Variants in SPECC1 observed in about 807,000 individuals in gnomAD.
SPECC1 encodes sperm antigen with calponin homology and coiled-coil domains 1, also known as cytospin-B.
In SPECC1, 62 loss-of-function variants were observed where a neutral mutation model predicts 104.1. The ratio of observed to expected loss-of-function variants is 0.60; its 90% CI spans 0.49 to 0.74. The LOEUF (loss-of-function observed/expected upper bound fraction) is 0.74. SPECC1 is among the 30% of genes least tolerant of loss of function. The probability of loss-of-function intolerance (pLI) is 0.00; values close to 1 mark genes in which losing one functional copy is unlikely to be tolerated. For synonymous variants in SPECC1, 513 were observed against 501.6 expected (o/e 1.02, Z -0.30); for missense variants, 1,306 against 1,310.5 (o/e 1.00, Z 0.05).
intron 12 of SPECC1, among the ~76,000 whole-genome samples, chr17:20,295,875 T>A (rs2041333748): frequency 6.6e-6 from 1 of 152,190 alleles, no homozygotes; most frequent in Admixed American, 6.5e-5. Context: ...TTGTTTGATT[T>A]TTTCTTGTAA....
At chr17:20,210,026 C>G (rs577763766) in intron 4 of SPECC1, among the ~76,000 whole-genome samples, 1 of 152,222 alleles carries the variant, frequency 6.6e-6, no homozygotes, top group Non-Finnish European at 1.5e-5. Flanking sequence ...GAATGGTTTG[C>G]GGGAGTCAGC....
At chr17:20,164,128 A>G (rs541566725) in intron 3 of SPECC1, among the ~76,000 whole-genome samples, 42 of 151,552 alleles carry the variant, frequency 2.8e-4, no homozygotes, top group African/African-American at 9.2e-4. Flanking sequence ...TGTTTACATA[A>G]GTGTTTTATT....
intron 12 of SPECC1, 127 bp downstream of exon 12, chr17:20,260,421 T>G: frequency 1.4e-6 from 1 of 738,152 alleles, no homozygotes; most frequent in Non-Finnish European, 2.1e-6. Context: ...TCTATTCTCC[T>G]AGGCAGGGCT....
intron 1 of SPECC1, among the ~76,000 whole-genome samples, chr17:20,032,618 T>C (rs1248334607): frequency 6.6e-6 from 1 of 152,164 alleles, no homozygotes; most frequent in Non-Finnish European, 1.5e-5. Flanking sequence ...TTGTATTATA[T>C]TTTATAATTT....
intron 1 of SPECC1, chr17:20,073,681 A>G (rs1320503943): frequency 1.3e-5 from 2 of 152,188 alleles, no homozygotes; most frequent in Admixed American, 1.3e-4. Context: ...CCCGAGAAGC[A>G]GGAGAAGCAG....
intron 1 of SPECC1, chr17:20,017,996 GCCTC>G (rs2044215565): frequency 6.6e-6 from 1 of 152,484 alleles, no homozygotes; most frequent in Non-Finnish European, 1.5e-5. Context: ...GGCGTAGCGT[GCCTC>G]CTGTGATTGT....
chr17:20,158,728 T>G (rs990179598), intron 3 of SPECC1, among the ~76,000 whole-genome samples: 2 of 152,222 alleles, frequency 1.3e-5, no homozygotes, highest in Non-Finnish European at 2.9e-5. Flanking sequence ...CCCTCTGCAG[T>G]CCTTGCAGAT....
chr17:20,099,718 A>AAC (rs1567842138), intron 2 of SPECC1, among the ~76,000 whole-genome samples: 1 of 147,940 alleles, frequency 6.8e-6, no homozygotes, highest in African/African-American at 2.5e-5. Context: ...AAAAAAAAAA[A>AAC]AACCCACAAA....
chr17:20,060,329 A>G (rs1236303024), intron 1 of SPECC1, among the ~76,000 whole-genome samples: 7 of 152,156 alleles, frequency 4.6e-5, no homozygotes, highest in African/African-American at 1.2e-4. Context: ...GGTTTCTACA[A>G]CTATTTCAGA....
chr17:20,050,226 AAAAT>A (rs1396786457), intron 1 of SPECC1, among the ~76,000 whole-genome samples: 2 of 152,226 alleles, frequency 1.3e-5, no homozygotes, highest in Non-Finnish European at 2.9e-5. Flanking sequence ...AACTATAATT[AAAAT>A]AAATAAATAT....
chr17:20,245,839 C>T, intron 7 of SPECC1, 87 bp from the exon 8 acceptor site: 1 of 1,437,046 alleles, frequency 7.0e-7, no homozygotes, highest in Non-Finnish European at 9.5e-7. Flanking sequence ...TTTATTTTCT[C>T]CACATCAGTT....
chr17:20,125,053 G>A (rs553535333), intron 3 of SPECC1, among the ~76,000 whole-genome samples: 6 of 152,194 alleles, frequency 3.9e-5, no homozygotes, highest in African/African-American at 1.2e-4. Context: ...GGTGGTGGGC[G>A]CCTGTAGTTC....
chr17:20,174,738 T>G (rs2034342687), intron 3 of SPECC1, among the ~76,000 whole-genome samples: 1 of 152,060 alleles, frequency 6.6e-6, no homozygotes, highest in South Asian at 2.1e-4. Context: ...AAGTTTATTC[T>G]CGGGGAGGTG....
chr17:20,184,363 A>G (rs1422975585), intron 3 of SPECC1, among the ~76,000 whole-genome samples: 1 of 152,174 alleles, frequency 6.6e-6, no homozygotes. Flanking sequence ...AAGGCTAAGC[A>G]TGTTTGTGTC....
At chr17:20,299,232 T>C (rs958027200) in intron 13 of SPECC1, among the ~76,000 whole-genome samples, 1 of 151,838 alleles carries the variant, frequency 6.6e-6, no homozygotes, top group African/African-American at 2.4e-5. Context: ...CTGGGGTCAT[T>C]TGCTTTGCCG....
intron 3 of SPECC1, among the ~76,000 whole-genome samples, chr17:20,138,073 G>C (rs1264727601): frequency 6.6e-6 from 1 of 151,512 alleles, no homozygotes; most frequent in Non-Finnish European, 1.5e-5. Context: ...GGCTCAAGCA[G>C]CCCTCCCACC....
At chr17:20,077,358 C>T (rs535517596) in intron 1 of SPECC1, among the ~76,000 whole-genome samples, 10 of 152,048 alleles carry the variant, frequency 6.6e-5, no homozygotes, top group Non-Finnish European at 1.5e-4. Context: ...ATACCTCCAG[C>T]TTTTCTATTA....
At chr17:20,189,502 G>A (rs1224144890) in intron 3 of SPECC1, among the ~76,000 whole-genome samples, 1 of 152,098 alleles carries the variant, frequency 6.6e-6, no homozygotes, top group Non-Finnish European at 1.5e-5. Context: ...GATGACTAAT[G>A]GCAGCTGGTT....
At chr17:20,082,966 G>A (rs2047034916) in intron 1 of SPECC1, among the ~76,000 whole-genome samples, 1 of 50,392 alleles carries the variant, frequency 2.0e-5, no homozygotes, top group East Asian at 3.2e-4. Flanking sequence ...GTGTTCGTTC[G>A]TTCGTTCGTT....
Sources: gnomAD v4.1 joint callset for allele counts (sites outside exome capture counted in the v4.1 genomes callset) on GRCh38, gnomAD v4.1.1 for gene constraint, MANE v1.5 for transcripts, NCBI Gene and HGNC (gene_info 2026-07-23, HGNC 2026-07-21) for gene names.